The following NKIRAS2 variants were observed in gnomAD, a reference collection of about 807,000 sequenced individuals.
The protein encoded by NKIRAS2 is NFKB inhibitor interacting Ras like 2.
NKIRAS2 carries 15 observed loss-of-function variants against 20.7 expected under a neutral mutation model. The observed-to-expected ratio is 0.73, with a 90% CI of 0.49 to 1.12. The LOEUF (loss-of-function observed/expected upper bound fraction) is 1.12, where lower values mean the gene tolerates loss of function less well. Ranked by LOEUF, NKIRAS2 falls within the 50% of genes most tolerant of loss-of-function variation. The probability of loss-of-function intolerance (pLI) is 0.00; values close to 1 mark genes in which losing one functional copy is unlikely to be tolerated. For missense variants in NKIRAS2, 196 were observed against 249.6 expected (o/e 0.79, Z 1.45); for synonymous variants, 116 against 101.4 (o/e 1.14, Z -0.87).
intron 1 of NKIRAS2, chr17:42,020,411 C>T (rs2052413086): frequency 6.6e-6 from 1 of 152,286 alleles, no homozygotes; most frequent in African/African-American, 2.4e-5. Context: ...GGAGCTTCCC[C>T]TGGAGAGGTT....
At chr17:42,023,490 C>T (rs2052506291) in intron 3 of NKIRAS2, among the ~76,000 whole-genome samples, 164 bp from the exon 4 acceptor site, 1 of 152,198 alleles carries the variant, frequency 6.6e-6, no homozygotes, top group Non-Finnish European at 1.5e-5. Flanking sequence ...AGAAAAAAAG[C>T]AACCATCTCC....
At position 42,024,133 on chromosome 17, in the gene NKIRAS2, C is replaced by A; in HGVS notation, c.*240C>A. On this transcript the variant is annotated 3_prime_UTR_variant, in exon 4 of 4. Coordinates refer to ENST00000393885, the MANE Select transcript of NKIRAS2 (RefSeq NM_017595.6). ...CCCATCCCAGCTTTTAGAGGATCTG[C>A]TCCACTGTCTCCTGGGGCAGTTGTG... 1.9e-6 allele frequency: 1 copy of A among 534,536 alleles called. No homozygotes were observed. Among genetic ancestry groups the A allele is most frequent in the Non-Finnish European group, 3.3e-6 (1 of 306,042 alleles). 33.1% of individuals were successfully genotyped at this position (534,536 alleles called of 1,614,324 possible).
upstream of NKIRAS2, among the ~76,000 whole-genome samples, chr17:42,019,801 A>G (rs79892925): frequency 0.11 from 16,617 of 152,302 alleles, 1,032 homozygotes; most frequent in African/African-American, 0.15. Flanking sequence ...GCACAGACAG[A>G]TGATGCTCAG....
At chr17:42,023,276 G>C (rs2052501410) in intron 3 of NKIRAS2, 1 of 264,212 alleles carries the variant, frequency 3.8e-6, no homozygotes, top group Non-Finnish European at 7.5e-6. Flanking sequence ...TGGGATTACA[G>C]GCGTAAGCCA....
chr17:42,021,506 GC>G, intron 1 of NKIRAS2, 57 bp from the exon 2 acceptor site: 1 of 1,418,588 alleles, frequency 7.0e-7, no homozygotes, highest in Non-Finnish European at 1.0e-6. Context: ...GCTAGTAACT[GC>G]CTTCTGTGTT....
Position 42,022,499 on chromosome 17 carries a change from C to T in NKIRAS2, c.195C>T (p.Leu65=). 1.2e-6 allele frequency: 2 copies of T among 1,614,068 alleles called. No individual in the cohort carries two copies. Among genetic ancestry groups the T allele is most frequent in the Non-Finnish European group, 8.5e-7 (1 of 1,179,978 alleles). The change falls in exon 3 of 4, where the codon CTC becomes CTT. Residue 65 remains leucine (L), a synonymous_variant. Transcript: ENST00000393885. ...TGCGTTTCTATGACACCCGGGGGCT[C>T]CGAGATGGGGCCGAACTGCCCCGAC... is the stretch of plus-strand genomic sequence containing the variant. ...EQVRFYDTRG[L]RDGAELPRHC... is the part of the protein sequence containing the mutation.
chr17:42,021,333 T>G, intron 1 of NKIRAS2: 1 of 480,888 alleles, frequency 2.1e-6, no homozygotes, highest in South Asian at 2.3e-5. Flanking sequence ...CATCCAGTAG[T>G]AGACATGGAG....
chr17:42,018,067 G>T (rs1423146870), upstream of NKIRAS2, among the ~76,000 whole-genome samples: 1 of 152,066 alleles, frequency 6.6e-6, no homozygotes, highest in Non-Finnish European at 1.5e-5. Flanking sequence ...CATGTCAGCC[G>T]CCTGGGAGTG....
rs1555653705 is a variant in NKIRAS2 at position 42,023,973 on chromosome 17, A to G, written c.*80A>G. On this transcript the variant is annotated 3_prime_UTR_variant, in exon 4 of 4. Transcript: ENST00000393885. ...GGTAGATGTGTTGAGGGCAAAGTAG[A>G]GGACAAGCTGTCTTTCCCAGTCAGC... is the stretch of plus-strand genomic sequence containing the variant. 1 of 1,551,256 alleles carries G rather than the reference A, an allele frequency of 6.4e-7. No individual in the cohort carries two copies. Among genetic ancestry groups the G allele is most frequent in the African/African-American group, 1.4e-5 (1 of 73,324 alleles).
rs1408870464 is a variant in NKIRAS2 at position 42,025,330 on chromosome 17, C to T, written c.*1437C>T. 1 of 152,838 alleles carries T rather than the reference C, an allele frequency of 6.5e-6. No individual in the cohort carries two copies. Among genetic ancestry groups the T allele is most frequent in the South Asian group, 2.1e-4 (1 of 4,826 alleles). The allele number at this position is 152,838 out of a possible 1,614,324, so 9.5% of individuals were successfully genotyped here. ...AGATGCCTGAACAGAACAAGGCAAA[C>T]CCGTAGCAGCCTCTCAGGAGCTGAC... is the stretch of plus-strand genomic sequence containing the variant. On this transcript the variant is annotated 3_prime_UTR_variant, in exon 4 of 4. Transcript: ENST00000393885.
intron 1 of NKIRAS2, chr17:42,021,354 C>T (rs1013327286): frequency 2.9e-5 from 15 of 525,012 alleles, no homozygotes; most frequent in Non-Finnish European, 4.5e-5. Flanking sequence ...ACATCCGTTT[C>T]CTCTGACTAG....
At chr17:42,017,995 G>T (rs1448005305), upstream of NKIRAS2, among the ~76,000 whole-genome samples, 18 of 152,108 alleles carry the variant, frequency 1.2e-4, 1 homozygote, top group Admixed American at 1.1e-3. Context: ...ATCCACTCCG[G>T]ATCTCCAAAC....
At chr17:42,021,486 G>A (rs1358199478) in intron 1 of NKIRAS2, 78 bp from the exon 2 acceptor site, 39 of 1,271,322 alleles carry the variant, frequency 3.1e-5, no homozygotes, top group Non-Finnish European at 4.5e-5. Flanking sequence ...TTGTCCACCA[G>A]AAAACATCTG....
At chr17:42,021,172 T>C (rs1283196428) in intron 1 of NKIRAS2, 1 of 189,948 alleles carries the variant, frequency 5.3e-6, no homozygotes, top group Non-Finnish European at 1.1e-5. Context: ...CCTTTACTAA[T>C]TGGTCCTCTA....
chr17:42,020,452 ATC>A (rs2052414701), intron 1 of NKIRAS2: 2 of 146,552 alleles, frequency 1.4e-5, no homozygotes, highest in African/African-American at 5.1e-5. Flanking sequence ...GGAGTGATCT[ATC>A]TCTGCTCTCT....
intron 2 of NKIRAS2, 104 bp from the exon 3 acceptor site, chr17:42,022,295 C>A (rs1598170501): frequency 1.6e-6 from 2 of 1,225,176 alleles, no homozygotes; most frequent in East Asian, 2.3e-5. Context: ...CCTCCTCAGC[C>A]CCCTACATTC....
chr17:42,021,704 A>G (rs2052455113), intron 2 of NKIRAS2, 33 bp downstream of exon 2: 2 of 1,583,068 alleles, frequency 1.3e-6, no homozygotes, highest in Admixed American at 3.3e-5. Flanking sequence ...GAACAGTGGA[A>G]GAAGTTGAAA....
At position 42,024,144 on chromosome 17, in the gene NKIRAS2, C is replaced by G. The variant is rs547567585; in HGVS notation, c.*251C>G. On this transcript the variant is annotated 3_prime_UTR_variant, in exon 4 of 4. Coordinates refer to ENST00000393885, the MANE Select transcript of NKIRAS2 (RefSeq NM_017595.6). ...TTTTAGAGGATCTGCTCCACTGTCT[C>G]CTGGGGCAGTTGTGGGTCACTGTCC... The G allele has an allele frequency of 5.8e-5, 29 of 502,600 alleles. No homozygotes were observed. The highest frequency in any genetic ancestry group is 5.7e-4 in the South Asian group (27 of 47,168). The allele number at this position is 502,600 out of a possible 1,614,324, so 31.1% of individuals were successfully genotyped here. A position where few individuals can be genotyped will look rare whatever the true frequency, so the allele number is the denominator to read the frequency against.
rs965182578 is a variant in NKIRAS2, at chr17:42,025,270, G to A, written c.*1377G>A. 1.3e-5 allele frequency: 2 copies of A among 152,696 alleles called. No individual in the cohort carries two copies. The highest frequency in any genetic ancestry group is 2.9e-5 in the Non-Finnish European group (2 of 68,094). 9.5% of individuals were successfully genotyped at this position (152,696 alleles called of 1,614,324 possible). A position where few individuals can be genotyped will look rare whatever the true frequency, so the allele number is the denominator to read the frequency against. ...ATGCCCGCTCTCATGGTGAAGGCTG[G>A]ACAAGGTGCTCCTCTGGCCCCTCCT... On this transcript the variant is annotated 3_prime_UTR_variant, in exon 4 of 4. Transcript: ENST00000393885.
Sources: allele counts gnomAD v4.1 joint callset (sites outside exome capture counted in the v4.1 genomes callset), GRCh38; gene constraint gnomAD v4.1.1; transcripts MANE v1.5; gene names NCBI Gene and HGNC (gene_info 2026-07-23, HGNC 2026-07-21).